The following SPRY3 variants were observed in gnomAD, a reference collection of about 807,000 sequenced individuals.
SPRY3 encodes protein sprouty homolog 3.
In SPRY3, 15 loss-of-function variants were observed where a neutral mutation model predicts 20.2. That is an observed-to-expected ratio of 0.74 (90% CI 0.50 to 1.14). The LOEUF is 1.14. Among genes scored for constraint, SPRY3 ranks in the 50% most tolerant of loss-of-function variants. SPRY3 has a pLI of 0.00. For missense variants in SPRY3, 364 were observed against 363.9 expected (o/e 1.00, Z 0.00); for synonymous variants, 143 against 136.5 (o/e 1.05, Z -0.33).
At chrX:155,746,635 T>C (rs1179458497) in intron 2 of SPRY3, among the ~76,000 whole-genome samples, 2 of 151,964 alleles carry the variant, frequency 1.3e-5, no homozygotes, top group Non-Finnish European at 2.9e-5. Context: ...TCCTTTTCAG[T>C]CTTTCCTTTA....
intron 1 of SPRY3, among the ~76,000 whole-genome samples, chrX:155,617,536 A>G (rs781895255): frequency 8.9e-6 from 1 of 111,859 alleles, no homozygotes; most frequent in Non-Finnish European, 1.9e-5. Context: ...CAAGAGCTAG[A>G]TTCCAAGCTG....
chrX:155,635,612 AAGCTCATTATC>A (rs1328990429), intron 1 of SPRY3, among the ~76,000 whole-genome samples: 1 of 112,283 alleles, frequency 8.9e-6, no homozygotes, highest in Non-Finnish European at 1.9e-5. Flanking sequence ...CGTATGAAAA[AAGCTCATTATC>A]ACTGGTCATC....
intron 1 of SPRY3, among the ~76,000 whole-genome samples, chrX:155,631,563 A>G (rs1279905626): frequency 1.8e-5 from 2 of 112,115 alleles, no homozygotes; most frequent in Admixed American, 9.4e-5. Context: ...ATTCCCATCA[A>G]TGGTGTATAA....
chrX:155,748,624 A>G (rs1341519011), intron 2 of SPRY3, among the ~76,000 whole-genome samples: 2 of 151,840 alleles, frequency 1.3e-5, no homozygotes, highest in African/African-American at 2.4e-5. Context: ...AAGACTTCTA[A>G]AGGAAGAATT....
chrX:155,756,927 A>C (rs2091285586), intron 2 of SPRY3, among the ~76,000 whole-genome samples: 1 of 152,136 alleles, frequency 6.6e-6, no homozygotes, highest in African/African-American at 2.4e-5. Context: ...TCTAACTTTA[A>C]TTCATCACTT....
chrX:155,735,894 C>T (rs2091165663), intron 2 of SPRY3, among the ~76,000 whole-genome samples: 1 of 151,572 alleles, frequency 6.6e-6, no homozygotes, highest in African/African-American at 2.4e-5. Flanking sequence ...TTCTATCTTC[C>T]ACTCTTTTTT....
chrX:155,660,893 T>G (rs2068007879), intron 2 of SPRY3, among the ~76,000 whole-genome samples: 1 of 111,265 alleles, frequency 9.0e-6, no homozygotes, highest in African/African-American at 3.3e-5. Flanking sequence ...TTTCCACTTC[T>G]TTACTTCAAG....
At chrX:155,668,707 C>T (rs2068031727) in intron 2 of SPRY3, among the ~76,000 whole-genome samples, 1 of 110,387 alleles carries the variant, frequency 9.1e-6, no homozygotes, top group East Asian at 2.8e-4. Context: ...ACTTCCTCTC[C>T]TTGGGGCCCA....
intron 2 of SPRY3, among the ~76,000 whole-genome samples, chrX:155,760,877 G>A (rs778772208): frequency 1.3e-5 from 2 of 152,208 alleles, no homozygotes; most frequent in South Asian, 4.2e-4. Flanking sequence ...CCGGTCCATG[G>A]TCTGCGGGCT....
chrX:155,724,983 G>A (rs1213081263), intron 2 of SPRY3, among the ~76,000 whole-genome samples: 2 of 152,110 alleles, frequency 1.3e-5, no homozygotes, highest in Non-Finnish European at 2.9e-5. Context: ...ATTATTTTGA[G>A]ATACATTCCA....
At position 155,736,902 on chromosome X, in the gene SPRY3, T is replaced by A. The variant is rs2091173851; in HGVS notation, c.-281-31060T>A. On this transcript the variant is annotated intron_variant, in intron 2 of 3. Coordinates refer to ENST00000675360, the Ensembl canonical transcript of SPRY3. ...TTTTTCACTAATTTTTCTCTTCGAT[T>A]TTCAGCTTGGGAAGCTAATATTGCC... Among the ~76,000 whole-genome samples, 4 of 152,158 alleles carry A rather than the reference T, an allele frequency of 2.6e-5. No individual in the cohort carries two copies. In the South Asian group the frequency reaches 8.3e-4, roughly 32 times the overall value.
At chrX:155,629,898 A>G (rs1471374291) in intron 1 of SPRY3, among the ~76,000 whole-genome samples, 1 of 111,758 alleles carries the variant, frequency 8.9e-6, no homozygotes, top group East Asian at 2.8e-4. Context: ...GCAACTTTTT[A>G]GTTTGATGTA....
intron 2 of SPRY3, among the ~76,000 whole-genome samples, chrX:155,725,834 T>G (rs888159553): frequency 6.6e-6 from 1 of 152,152 alleles, no homozygotes; most frequent in African/African-American, 2.4e-5. Flanking sequence ...TCTGCTCTGG[T>G]CTTAGTTATT....
chrX:155,704,620 CTG>C (rs942600732), intron 2 of SPRY3, among the ~76,000 whole-genome samples: 2 of 151,490 alleles, frequency 1.3e-5, no homozygotes, highest in African/African-American at 4.8e-5. Flanking sequence ...AAAATAATGA[CTG>C]AGAATTTTTT....
At chrX:155,757,166 GATGTA>G (rs2091286596) in intron 2 of SPRY3, among the ~76,000 whole-genome samples, 1 of 152,180 alleles carries the variant, frequency 6.6e-6, no homozygotes, top group Non-Finnish European at 1.5e-5. Flanking sequence ...GACTCCACGT[GATGTA>G]ACCCTCTGAT....
intron 2 of SPRY3, among the ~76,000 whole-genome samples, chrX:155,711,879 C>T (rs922754555): frequency 4.6e-5 from 7 of 151,108 alleles, no homozygotes; most frequent in African/African-American, 1.2e-4. Context: ...TGCTGTATCC[C>T]TTAGGTTTTG....
chrX:155,765,034 G>C (rs146058975), intron 2 of SPRY3, among the ~76,000 whole-genome samples: 1,583 of 152,134 alleles, frequency 0.01, 12 homozygotes, highest in Middle Eastern at 0.031. Flanking sequence ...GCAGGTCTTC[G>C]GGGCCTCTTT....
intron 2 of SPRY3, among the ~76,000 whole-genome samples, chrX:155,731,849 G>A (rs947046118): frequency 2.6e-5 from 4 of 151,840 alleles, no homozygotes; most frequent in Non-Finnish European, 4.4e-5. Context: ...TTTCCCATTG[G>A]ACTTAAGAAC....
intron 1 of SPRY3, among the ~76,000 whole-genome samples, chrX:155,625,636 G>A (rs1246783743): frequency 1.8e-5 from 2 of 110,557 alleles, no homozygotes; most frequent in African/African-American, 6.6e-5. Flanking sequence ...TTCACTTATA[G>A]TAAATCCAGT....
Sources: allele counts gnomAD v4.1 joint callset (sites outside exome capture counted in the v4.1 genomes callset), GRCh38; gene constraint gnomAD v4.1.1; transcripts MANE v1.5; gene names NCBI Gene and HGNC (gene_info 2026-07-23, HGNC 2026-07-21).